PHF7: variants seen among roughly 807,000 people sequenced by gnomAD.
The protein encoded by PHF7 is E3 ubiquitin-protein ligase PHF7.
PHF7 carries 24 observed loss-of-function variants against 47.5 expected under a neutral mutation model. That is an observed-to-expected ratio of 0.51 (90% CI 0.37 to 0.71). PHF7 has a LOEUF of 0.71. Among genes scored for constraint, PHF7 ranks in the 30% least tolerant of loss-of-function variants. The pLI, the probability that PHF7 is intolerant of heterozygous loss-of-function variation, is 0.00. For missense variants in PHF7, 361 were observed against 456.8 expected, an observed-to-expected ratio of 0.79 and a Z score of 1.91; for synonymous variants, 156 against 153.8, an observed-to-expected ratio of 1.01 and a Z score of -0.11.
intron 4 of PHF7, among the ~76,000 whole-genome samples, chr3:52,417,349 T>TG (rs1208674594): frequency 1.3e-5 from 2 of 152,202 alleles, no homozygotes; most frequent in African/African-American, 2.4e-5. Context: ...GGATTGTGAT[T>TG]GGGATTGCAT....
chr3:52,420,124 T>TGAGAAAATA, intron 5 of PHF7, 187 bp from the exon 6 acceptor site: 1 of 798,982 alleles, frequency 1.3e-6, no homozygotes, highest in South Asian at 1.4e-5. Context: ...AGAAACATCT[T>TGAGAAAATA]GAGAAAATAG....
Position 52,419,921 on chromosome 3 carries a change from G to C in PHF7, c.275G>C (p.Arg92Pro), listed in dbSNP as rs746221390. 1 of 1,602,870 alleles carries C rather than the reference G, an allele frequency of 6.2e-7. No homozygotes were observed. Among genetic ancestry groups the C allele is most frequent in the Admixed American group, 1.7e-5 (1 of 59,198 alleles). Residue 92 changes from arginine to proline, a missense_variant, in exon 5 of 11, where the codon CGG (arginine) becomes CCG (proline). Arg to Pro is a moderately radical substitution (Grantham distance 103). Transcript: ENST00000327906. ...GAAGACATCAAAAAGGAGGCAGCCC[G>C]GGCTTCTAGGAAGGTTAGAATCTCT... ...LPEDIKKEAA[R>P]ASRKICFVCK...
chr3:52,423,294 A>C lies in PHF7; in HGVS notation c.1123A>C (p.Asn375His), dbSNP rs149175095. 1.2e-3 allele frequency: 1,867 copies of C among 1,612,664 alleles called. 3 individuals are homozygous for C. The highest frequency in any genetic ancestry group is 1.5e-3 in the Non-Finnish European group (1,769 of 1,178,740). Residue 375 changes from asparagine to histidine, a missense_variant, in exon 11 of 11, where the codon AAC becomes CAC. By Grantham distance (68) the Asn-to-His change is moderately conservative. Transcript: ENST00000327906. ...GAGGTCCAAGGGTGTCAGAATCACT[A>C]ACAGCTGCAAAAAATCCAAGTAACA... ...SWRSKGVRIT[N>H]SCKKSK
chr3:52,422,594 G>A, intron 9 of PHF7, 166 bp from the exon 10 acceptor site: 1 of 753,548 alleles, frequency 1.3e-6, no homozygotes, highest in South Asian at 1.7e-5. Context: ...CTTTCAAGGG[G>A]TTACGACTGA....
At chr3:52,418,613 A>G (rs1270765104) in intron 4 of PHF7, among the ~76,000 whole-genome samples, 1 of 152,114 alleles carries the variant, frequency 6.6e-6, no homozygotes, top group Non-Finnish European at 1.5e-5. Context: ...TATTACTCTG[A>G]GAAGAGTATT....
At chr3:52,422,669 C>A in intron 9 of PHF7, 91 bp from the exon 10 acceptor site, 1 of 1,342,890 alleles carries the variant, frequency 7.4e-7, no homozygotes, top group Non-Finnish European at 1.1e-6. Context: ...GTAAAATGTG[C>A]TGTAAAAAAT....
rs368527021 is a variant in PHF7 at position 52,412,872 on chromosome 3, A to C, written c.-8A>C. On this transcript the variant is annotated 5_prime_UTR_variant, in exon 2 of 11. Coordinates refer to ENST00000327906, the MANE Select transcript of PHF7 (RefSeq NM_016483.7). Reference sequence around the variant, plus strand: ...AGAATTCAAGAGAGGAGAGAGAGACAGCACCGAATGAAGACTGTAAAAGAA... The same window carrying C: ...AGAATTCAAGAGAGGAGAGAGAGACCGCACCGAATGAAGACTGTAAAAGAA... The C allele has an allele frequency of 6.2e-7, 1 of 1,603,748 alleles. No homozygotes were observed. Among genetic ancestry groups the C allele is most frequent in the South Asian group, 1.1e-5 (1 of 90,674 alleles).
At chr3:52,419,463 T>C (rs1705719005) in intron 4 of PHF7, among the ~76,000 whole-genome samples, 1 of 151,382 alleles carries the variant, frequency 6.6e-6, no homozygotes, top group Admixed American at 6.6e-5. Flanking sequence ...AGAGTCTTGT[T>C]CTGTGGCCCA....
At chr3:52,423,042 T>A (rs1368032958) in intron 10 of PHF7, 49 bp from the exon 11 acceptor site, 2 of 1,507,106 alleles carry the variant, frequency 1.3e-6, no homozygotes. Context: ...GACCTGTGCC[T>A]GGGAGAAGCA....
At chr3:52,411,598 C>T (rs1470039265) in intron 1 of PHF7, among the ~76,000 whole-genome samples, 3 of 152,224 alleles carry the variant, frequency 2.0e-5, no homozygotes, top group Non-Finnish European at 4.4e-5. Flanking sequence ...ACTGGAGTGT[C>T]TCTGGAGTGA....
intron 7 of PHF7, 51 bp downstream of exon 7, chr3:52,421,113 C>T (rs747083643): frequency 3.0e-5 from 45 of 1,490,036 alleles, no homozygotes; most frequent in Middle Eastern, 4.5e-4. Context: ...TAGTTCTCTG[C>T]CTGGAACCAG....
In PHF7 at chr3:52,421,689, A is replaced by T; in HGVS notation, c.615A>T (p.Pro205=). The T allele has an allele frequency of 6.2e-7, 1 of 1,609,506 alleles. No homozygotes were observed. The highest frequency in any genetic ancestry group is 8.5e-7 in the Non-Finnish European group (1 of 1,175,784). The stretch of plus-strand genomic sequence containing the variant: ...CAGCAAAGCATTTCTTCAAATGTCC[A>T]CAGTGTAACAATCGAAAAGAGTTTC... ...HTSAKHFFKC[P]QCNNRKEFPQ... Residue 205 remains proline, a synonymous_variant, in exon 8 of 11, where the codon CCA becomes CCT. Transcript: ENST00000327906.
rs759823685 is a variant in PHF7 at position 52,421,621 on chromosome 3, C to G, written c.574-27C>G. The G allele has an allele frequency of 6.1e-6, 8 of 1,314,436 alleles. No homozygotes were observed. The Admixed American group carries it at 1.2e-4, about 19-fold the overall frequency. 81.4% of individuals were successfully genotyped at this position (1,314,436 alleles called of 1,614,324 possible). A position where few individuals can be genotyped will look rare whatever the true frequency, so the allele number is the denominator to read the frequency against. On this transcript the variant is annotated intron_variant, in intron 7 of 10. Transcript: ENST00000327906. ...GGTAGTCAAAGGGTTTTTACAAACA[C>G]AGAGCTCTTCCCTGTTTCTCTTACA...
Position 52,423,512 on chromosome 3 carries a change from G to A in PHF7, c.*195G>A. ...GATGCCAACAAGGAAATGCGTTTATGGCTACAAGAGTGCCTCTGCTTTCTC... is the reference window on the plus strand; with the variant it reads ...GATGCCAACAAGGAAATGCGTTTATAGCTACAAGAGTGCCTCTGCTTTCTC... On this transcript the variant is annotated 3_prime_UTR_variant, in exon 11 of 11. Coordinates refer to ENST00000327906, the MANE Select transcript of PHF7 (RefSeq NM_016483.7). 1.9e-6 allele frequency: 1 copy of A among 525,478 alleles called. No individual in the cohort carries two copies. The highest frequency in any genetic ancestry group is 3.4e-6 in the Non-Finnish European group (1 of 296,026). The allele number at this position is 525,478 out of a possible 1,614,324, so 32.6% of individuals were successfully genotyped here.
In PHF7 at chr3:52,421,057, A is replaced by G; in HGVS notation, c.568A>G (p.Ile190Val). The G allele has an allele frequency of 1.2e-6, 2 of 1,608,006 alleles. No homozygotes were observed. The highest frequency in any genetic ancestry group is 1.7e-6 in the Non-Finnish European group (2 of 1,177,204). The stretch of plus-strand genomic sequence containing the variant: ...TCAAGCCATCTACCACCGCAAGTGC[A>G]TACAGGTGGGGCTTTTTCCGCCCTG... Reference protein sequence around the residue: ...CSQAIYHRKCIQKYAHTSAKH... With the variant: ...CSQAIYHRKCVQKYAHTSAKH... Residue 190 changes from isoleucine (I) to valine (V), a missense_variant, in exon 7 of 11, where the codon ATA becomes GTA. Transcript: ENST00000327906.
chr3:52,422,961 A>T lies in PHF7; in HGVS notation c.919+80A>T. ...GTGGTGCCTGGGAAAGGAGGAAGAC[A>T]TCCCACCAGAGGGGGATTAATAGTT... is the stretch of plus-strand genomic sequence containing the variant. On this transcript the variant is annotated intron_variant, in intron 10 of 10. Coordinates refer to ENST00000327906, the MANE Select transcript of PHF7 (RefSeq NM_016483.7). 2.5e-6 allele frequency: 4 copies of T among 1,582,506 alleles called. No homozygotes were observed. The South Asian group carries it at 4.4e-5, about 18-fold the overall frequency.
intron 4 of PHF7, among the ~76,000 whole-genome samples, 155 bp from the exon 5 acceptor site, chr3:52,419,678 G>A (rs930973254): frequency 2.0e-5 from 3 of 151,946 alleles, no homozygotes; most frequent in African/African-American, 7.3e-5. Context: ...TGATCCGCCC[G>A]CCTCGGCCTC....
chr3:52,419,064 CA>C (rs1705704001), intron 4 of PHF7, among the ~76,000 whole-genome samples: 1 of 152,204 alleles, frequency 6.6e-6, no homozygotes, highest in South Asian at 2.1e-4. Flanking sequence ...CTCGGCTTCC[CA>C]AAGTGCTAGG....
In PHF7 at chr3:52,421,770, A is replaced by G. The variant is rs1462462380; in HGVS notation, c.680+16A>G. On this transcript the variant is annotated intron_variant, in intron 8 of 10. Coordinates refer to ENST00000327906, the MANE Select transcript of PHF7 (RefSeq NM_016483.7). Reference sequence around the variant, plus strand: ...TTCCAGACAGGTAGTGGGAACCCCAAAGCAGGAACTGAGCCAGGGAGTGGG... The same window carrying G: ...TTCCAGACAGGTAGTGGGAACCCCAGAGCAGGAACTGAGCCAGGGAGTGGG... The G allele has an allele frequency of 2.9e-6, 4 of 1,362,926 alleles. No homozygotes were observed. Among genetic ancestry groups the G allele is most frequent in the Non-Finnish European group, 4.2e-6 (4 of 951,022 alleles). 84.4% of individuals were successfully genotyped at this position (1,362,926 alleles called of 1,614,324 possible).
Sources: gnomAD v4.1 joint callset for allele counts (sites outside exome capture counted in the v4.1 genomes callset) on GRCh38, gnomAD v4.1.1 for gene constraint, MANE v1.5 for transcripts, NCBI Gene and HGNC (gene_info 2026-07-23, HGNC 2026-07-21) for gene names.